The following SBNO2 variants were observed in gnomAD, a reference collection of about 807,000 sequenced individuals.
The protein encoded by SBNO2 is strawberry notch homolog 2.
In SBNO2, 89 loss-of-function variants were observed where a neutral mutation model predicts 146.3. The ratio of observed to expected loss-of-function variants is 0.61; its 90% CI spans 0.51 to 0.73. The LOEUF is 0.73. Among genes scored for constraint, SBNO2 ranks in the 30% least tolerant of loss-of-function variants. The pLI, the probability that SBNO2 is intolerant of heterozygous loss-of-function variation, is 0.00. For synonymous variants in SBNO2, 1,147 were observed against 892.6 expected (o/e 1.29, Z -5.08); for missense variants, 2,092 against 2,003.7 (o/e 1.04, Z -0.84).
intron 4 of SBNO2, among the ~76,000 whole-genome samples, chr19:1,138,266 C>T (rs1488026569): frequency 6.7e-6 from 1 of 149,228 alleles, no homozygotes; most frequent in Non-Finnish European, 1.5e-5. Flanking sequence ...GGGACACTCA[C>T]CCCACACAGA....
intron 7 of SBNO2, 130 bp from the exon 8 acceptor site, chr19:1,123,175 C>A (rs926159593): frequency 1.9e-6 from 2 of 1,078,520 alleles, no homozygotes; most frequent in East Asian, 2.6e-5. Context: ...TGGCCAGGTC[C>A]CGTTGGGCGG....
chr19:1,167,098 G>A (rs1390597373), intron 1 of SBNO2, among the ~76,000 whole-genome samples: 1 of 152,276 alleles, frequency 6.6e-6, no homozygotes, highest in Non-Finnish European at 1.5e-5. Context: ...GGCTGGGCTT[G>A]AGGACGGCAG....
Position 1,147,396 on chromosome 19 carries a change from GAAGGAGGCGGAGCTC to G in SBNO2, c.177_191del (p.Met59_Phe64delinsIle). On this transcript the variant is annotated inframe_deletion, in exon 4 of 32. Coordinates refer to ENST00000361757, the MANE Select transcript of SBNO2 (RefSeq NM_014963.3). ...TGTCTGGGCAGGGCTGGCTGCCGAG[GAAGGAGGCGGAGCTC>G]ATGAACGGGCTGGAGGGAGATGGGG... 6.7e-7 allele frequency: 1 copy of G among 1,502,392 alleles called. No individual in the cohort carries two copies. The highest frequency in any genetic ancestry group is 2.8e-5 in the East Asian group (1 of 35,232). The allele number at this position is 1,502,392 out of a possible 1,614,324, so 93.1% of individuals were successfully genotyped here.
In SBNO2 at chr19:1,108,642, C is replaced by T. The variant is rs755985588; in HGVS notation, c.3679G>A (p.Asp1227Asn). ...VLQELRLMDA[D>N]VKRRQAPALG... ...GCGGGCGCCTGCCTGCGCTTCACGT[C>T]CGCATCCATCAGCCGCAGCTCCTGC... The change falls in exon 32 of 32, where the codon GAC (aspartate) becomes AAC (asparagine). Residue 1227 changes from aspartate to asparagine, a missense_variant. Transcript: ENST00000361757. The T allele has an allele frequency of 2.0e-6, 3 of 1,509,018 alleles. No homozygotes were observed. Among genetic ancestry groups the T allele is most frequent in the East Asian group, 2.6e-5 (1 of 38,436 alleles). 93.5% of individuals were successfully genotyped at this position (1,509,018 alleles called of 1,614,324 possible).
In SBNO2 at chr19:1,140,737, G is replaced by A. The variant is rs541506237; in HGVS notation, c.279+6572C>T. Reference sequence around the variant, plus strand: ...AGGGATGCCCGCAGGCAGCTCCCACGGGCAGAGGCTGCTGACCCCGCCTTG... The same window carrying A: ...AGGGATGCCCGCAGGCAGCTCCCACAGGCAGAGGCTGCTGACCCCGCCTTG... On this transcript the variant is annotated intron_variant, in intron 4 of 31. Transcript: ENST00000361757. This position sits in a 1 kb window ranked among gnomAD's most constrained non-coding sequence, Gnocchi z 4.4. 3.2e-3 allele frequency among the ~76,000 whole-genome samples: 483 copies of A among 152,276 alleles called. 5 individuals are homozygous for A. The highest frequency in any genetic ancestry group is 0.011 in the African/African-American group (455 of 41,552).
At chr19:1,132,232 G>A (rs1171776811) in intron 4 of SBNO2, 27 of 1,302,694 alleles carry the variant, frequency 2.1e-5, no homozygotes, top group Non-Finnish European at 2.5e-5. Context: ...GGGTCGGCCG[G>A]GGCGGACGGG....
chr19:1,123,478 G>C lies in SBNO2; in HGVS notation c.628+56C>G, dbSNP rs375116396. On this transcript the variant is annotated intron_variant, in intron 7 of 31. Transcript: ENST00000361757. ...GGGCGGTGGTCACCTGCAGGGTCTC[G>C]GTCCCACAAAAGGGTTTGAACCTGT... 53 of 1,469,260 alleles carry C rather than the reference G, an allele frequency of 3.6e-5. No homozygotes were observed. The East Asian group carries it at 6.4e-4, about 18-fold the overall frequency. The allele number at this position is 1,469,260 out of a possible 1,614,324, so 91.0% of individuals were successfully genotyped here.
intron 13 of SBNO2, 68 bp from the exon 14 acceptor site, chr19:1,119,232 G>A (rs934868646): frequency 5.3e-6 from 8 of 1,520,738 alleles, no homozygotes; most frequent in Non-Finnish European, 6.2e-6. Context: ...CGGAGCGCGA[G>A]GCAGAGCCAG....
chr19:1,132,799 G>A (rs1055524753), intron 4 of SBNO2, among the ~76,000 whole-genome samples: 7 of 152,188 alleles, frequency 4.6e-5, no homozygotes, highest in African/African-American at 1.7e-4. Flanking sequence ...GGCCTCCCTT[G>A]ATCTGGGGCT....
Position 1,123,015 on chromosome 19 carries a change from A to G in SBNO2, c.659T>C (p.Val220Ala). 6.3e-7 allele frequency: 1 copy of G among 1,589,724 alleles called. No homozygotes were observed. Among genetic ancestry groups the G allele is most frequent in the Admixed American group, 1.8e-5 (1 of 56,154 alleles). The change falls in exon 8 of 32, where the codon GTG becomes GCG. Residue 220 changes from valine (V) to alanine (A), a missense_variant. By Grantham distance (64) the Val-to-Ala change is moderately conservative (BLOSUM62 0). Transcript: ENST00000361757. The stretch of plus-strand genomic sequence containing the variant: ...GCTGGACAGTGTGCTGGTCTCCACC[A>G]CGCGGTCTGGGTGCTGCTTCCCGAT... ...SKIGKQHPDRVVETSTLSSVP... is the reference protein window; with the variant it reads ...SKIGKQHPDRAVETSTLSSVP...
At chr19:1,115,658 C>T (rs1044488405) in intron 17 of SBNO2, 10 of 351,284 alleles carry the variant, frequency 2.8e-5, no homozygotes, top group Non-Finnish European at 4.8e-5. Context: ...CTCTGGGCTT[C>T]CCTGTGACAG....
At chr19:1,163,304 G>A (rs2080367842) in intron 1 of SBNO2, among the ~76,000 whole-genome samples, 1 of 152,230 alleles carries the variant, frequency 6.6e-6, no homozygotes, top group Non-Finnish European at 1.5e-5. Context: ...TGGAGACGGA[G>A]CAGAGGCTGG....
intron 5 of SBNO2, 130 bp downstream of exon 5, chr19:1,127,474 C>T (rs756932946): frequency 1.8e-5 from 16 of 890,934 alleles, no homozygotes; most frequent in South Asian, 4.5e-5. Flanking sequence ...CAGATGGCGC[C>T]GACAGTGACA....
chr19:1,167,254 C>T (rs1226029493), intron 1 of SBNO2, among the ~76,000 whole-genome samples: 2 of 152,260 alleles, frequency 1.3e-5, no homozygotes, highest in Admixed American at 1.3e-4. Context: ...ACTCCAGGTT[C>T]GCCAGTGCGG....
At chr19:1,151,242 C>G (rs985036210) in intron 2 of SBNO2, among the ~76,000 whole-genome samples, 1 of 152,144 alleles carries the variant, frequency 6.6e-6, no homozygotes, top group Admixed American at 6.5e-5. Flanking sequence ...CAGGCACACA[C>G]GGCGCCTTGG....
Position 1,108,185 on chromosome 19 carries a change from C to T in SBNO2, c.*35G>A. 1.3e-6 allele frequency: 2 copies of T among 1,509,144 alleles called. No homozygotes were observed. The highest frequency in any genetic ancestry group is 1.8e-6 in the Non-Finnish European group (2 of 1,125,266). The allele number at this position is 1,509,144 out of a possible 1,614,324, so 93.5% of individuals were successfully genotyped here. On this transcript the variant is annotated 3_prime_UTR_variant, in exon 32 of 32. Coordinates refer to ENST00000361757, the MANE Select transcript of SBNO2 (RefSeq NM_014963.3). Reference sequence around the variant, plus strand: ...CGCTGCTCCTAGGGGAGAAACGGTCCCTGTGTCTTGGGGCATGTTTCGCCT... The same window carrying T: ...CGCTGCTCCTAGGGGAGAAACGGTCTCTGTGTCTTGGGGCATGTTTCGCCT...
At chr19:1,123,184 G>A (rs1449611132) in intron 7 of SBNO2, 139 bp from the exon 8 acceptor site, 6 of 998,630 alleles carry the variant, frequency 6.0e-6, no homozygotes, top group African/African-American at 3.2e-5. Context: ...CCCGTTGGGC[G>A]GGTCATGGGC....
rs1024661499 is a variant in SBNO2, at chr19:1,136,465, C to T, written c.280-8700G>A. Among the ~76,000 whole-genome samples, 6 of 152,208 alleles carry T rather than the reference C, an allele frequency of 3.9e-5. No homozygotes were observed. Among genetic ancestry groups the T allele is most frequent in the Admixed American group, 3.9e-4 (6 of 15,292 alleles). On this transcript the variant is annotated intron_variant, in intron 4 of 31. Coordinates refer to ENST00000361757, the MANE Select transcript of SBNO2 (RefSeq NM_014963.3). This position sits in a 1 kb window ranked among gnomAD's most constrained non-coding sequence, Gnocchi z 4.2. ...GCTGAGTCTCCCTCTCTAAGGCTGT[C>T]TGTGGGCGGCTCTGCCGGCCCCTCC...
In SBNO2 at chr19:1,123,584, GCCT is replaced by G. The variant is rs768575445; in HGVS notation, c.575_577del (p.Glu192del). 8.7e-6 allele frequency: 14 copies of G among 1,613,360 alleles called. No individual in the cohort carries two copies. The highest frequency in any genetic ancestry group is 2.7e-5 in the African/African-American group (2 of 74,996). On this transcript the variant is annotated inframe_deletion, in exon 7 of 32. Transcript: ENST00000361757. The stretch of plus-strand genomic sequence containing the variant: ...GGTCTCTGTGTGCCCCAGCTCCTCC[GCCT>G]CCTCCTCCTCAGCCTCGTCCTCCTC...
Sources: gnomAD v4.1 joint callset for allele counts (sites outside exome capture counted in the v4.1 genomes callset) on GRCh38, gnomAD v4.1.1 for gene constraint, Gnocchi (gnomAD v3.1) non-coding constraint, MANE v1.5 for transcripts, NCBI Gene and HGNC (gene_info 2026-07-23, HGNC 2026-07-21) for gene names.